CDH12: variants seen among roughly 807,000 people sequenced by gnomAD.
The protein encoded by CDH12 is cadherin-12.
Under a neutral mutation model 74.1 loss-of-function variants are expected in CDH12, and 41 were observed. The observed-to-expected ratio is 0.55, with a 90% CI of 0.43 to 0.72. The LOEUF (loss-of-function observed/expected upper bound fraction) is 0.72, where lower values mean the gene tolerates loss of function less well. Among genes scored for constraint, CDH12 ranks in the 30% least tolerant of loss-of-function variants. The pLI is 0.00. For missense variants in CDH12, 945 were observed against 977.2 expected, an observed-to-expected ratio of 0.97 and a Z score of 0.44; for synonymous variants, 399 against 355.0, an observed-to-expected ratio of 1.12 and a Z score of -1.39.
At chr5:21,801,056 A>T (rs1408677095) in intron 10 of CDH12, among the ~76,000 whole-genome samples, 1 of 152,184 alleles carries the variant, frequency 6.6e-6, no homozygotes, top group Non-Finnish European at 1.5e-5. Context: ...AATGGATGGT[A>T]GCAGCTAGAA....
intron 4 of CDH12, among the ~76,000 whole-genome samples, chr5:22,088,349 C>T (rs1743197952): frequency 6.6e-6 from 1 of 152,064 alleles, no homozygotes; most frequent in Admixed American, 6.6e-5. Flanking sequence ...TTTTCCCCAG[C>T]CCCTCTCAGA....
chr5:21,968,659 A>G (rs1756694049), intron 6 of CDH12, among the ~76,000 whole-genome samples: 1 of 152,140 alleles, frequency 6.6e-6, no homozygotes, highest in African/African-American at 2.4e-5. Flanking sequence ...ATTTTTTTCA[A>G]CAGGAATGTC....
intron 3 of CDH12, among the ~76,000 whole-genome samples, chr5:22,315,441 G>A (rs1341338107): frequency 1.3e-5 from 2 of 152,054 alleles, no homozygotes; most frequent in Admixed American, 1.3e-4. Context: ...GAGGAAGAAG[G>A]TTGATGGAGC....
At chr5:22,436,246 A>G (rs1744382079) in intron 2 of CDH12, among the ~76,000 whole-genome samples, 3 of 120,572 alleles carry the variant, frequency 2.5e-5, no homozygotes. Flanking sequence ...AGGAAGGGGA[A>G]CATCACACAC....
intron 3 of CDH12, among the ~76,000 whole-genome samples, chr5:22,376,683 ATTTTTTT>A (rs34256665): frequency 8.5e-6 from 1 of 117,226 alleles, no homozygotes. Flanking sequence ...TGGTTGACTA[ATTTTTTT>A]TTTTTTTTTT....
intron 5 of CDH12, among the ~76,000 whole-genome samples, chr5:22,040,647 A>G (rs1451453410): frequency 6.6e-6 from 1 of 152,158 alleles, no homozygotes; most frequent in African/African-American, 2.4e-5. Flanking sequence ...AGAGAATGGG[A>G]TGATATATTT....
intron 5 of CDH12, among the ~76,000 whole-genome samples, chr5:22,070,812 A>T (rs1460820035): frequency 6.6e-6 from 1 of 152,232 alleles, no homozygotes; most frequent in African/African-American, 2.4e-5. Context: ...AAGAAACAAG[A>T]TCATGTCCTT....
At chr5:21,949,357 G>A (rs1263826147) in intron 6 of CDH12, among the ~76,000 whole-genome samples, 1 of 151,528 alleles carries the variant, frequency 6.6e-6, no homozygotes, top group Admixed American at 6.6e-5. Flanking sequence ...GGCTGAGGCA[G>A]GAGAATGGCG....
chr5:22,799,972 C>A (rs954974032), intron 1 of CDH12, among the ~76,000 whole-genome samples: 17 of 151,836 alleles, frequency 1.1e-4, no homozygotes, highest in Non-Finnish European at 2.2e-4. Context: ...GTTTTCAGAA[C>A]TAAAAATATT....
chr5:22,331,625 C>T (rs1343666026), intron 3 of CDH12, among the ~76,000 whole-genome samples: 1 of 152,180 alleles, frequency 6.6e-6, no homozygotes, highest in Non-Finnish European at 1.5e-5. Flanking sequence ...AGCATCAACA[C>T]TATCCAGTAA....
At chr5:22,141,155 C>A (rs1306332031) in intron 4 of CDH12, 1 of 152,148 alleles carries the variant, frequency 6.6e-6, no homozygotes. Context: ...ATTAATTGGA[C>A]AGATACTCAC....
chr5:22,539,957 C>G (rs1049035763), intron 1 of CDH12, among the ~76,000 whole-genome samples: 3 of 152,152 alleles, frequency 2.0e-5, no homozygotes, highest in African/African-American at 7.2e-5. Flanking sequence ...TTAATTTACT[C>G]TCTTGGCATG....
At chr5:22,177,806 G>T (rs1749423613) in intron 4 of CDH12, among the ~76,000 whole-genome samples, 2 of 151,892 alleles carry the variant, frequency 1.3e-5, no homozygotes, top group African/African-American at 4.8e-5. Context: ...AAATCCTCTG[G>T]ACATTTCTCT....
intron 3 of CDH12, among the ~76,000 whole-genome samples, chr5:22,385,045 G>A (rs1409959063): frequency 2.0e-5 from 3 of 152,064 alleles, no homozygotes; most frequent in African/African-American, 4.8e-5. Flanking sequence ...TTTTAGTAGA[G>A]TGAACTCTTA....
intron 3 of CDH12, among the ~76,000 whole-genome samples, chr5:22,228,961 G>A (rs1472123468): frequency 6.6e-6 from 1 of 151,896 alleles, no homozygotes; most frequent in Non-Finnish European, 1.5e-5. Context: ...CATCTCCTCG[G>A]AAGGTGTTGT....
rs549493866 is a variant in CDH12 at position 22,185,896 on chromosome 5, T to C, written c.-187+26602A>G. Among the ~76,000 whole-genome samples the C allele has an allele frequency of 8.3e-4, 126 of 152,340 alleles. No individual in the cohort carries two copies. The Middle Eastern group carries it at 0.01, about 12-fold the overall frequency. ...GGAAGAAAATCCTCTGTGATTTGCA[T>C]TAAGAACAGTAAAAAACAATATTGA... is the stretch of plus-strand genomic sequence containing the variant. On this transcript the variant is annotated intron_variant, in intron 4 of 14. Coordinates refer to ENST00000382254, the MANE Select transcript of CDH12 (RefSeq NM_004061.5).
intron 1 of CDH12, among the ~76,000 whole-genome samples, chr5:22,732,456 GTATATATATA>G (rs746288133): frequency 1.6e-4 from 17 of 105,860 alleles, no homozygotes; most frequent in Admixed American, 2.9e-4. Context: ...GAATGTGTGT[GTATATATATA>G]TATATACACA....
At chr5:22,506,488 A>G (rs1395920917) in intron 1 of CDH12, among the ~76,000 whole-genome samples, 2 of 152,018 alleles carry the variant, frequency 1.3e-5, no homozygotes, top group Non-Finnish European at 2.9e-5. Flanking sequence ...TTGACATACC[A>G]TATTGGTTGG....
intron 3 of CDH12, among the ~76,000 whole-genome samples, chr5:22,224,387 G>T (rs1580421738): frequency 6.6e-6 from 1 of 150,770 alleles, no homozygotes; most frequent in African/African-American, 2.4e-5. Context: ...ACCTCAGGCA[G>T]AAAAGAATCA....
Sources: allele counts gnomAD v4.1 joint callset (sites outside exome capture counted in the v4.1 genomes callset), GRCh38; gene constraint gnomAD v4.1.1; transcripts MANE v1.5; gene names NCBI Gene and HGNC (gene_info 2026-07-23, HGNC 2026-07-21).